LRRC7: variants seen among roughly 807,000 people sequenced by gnomAD.
The protein encoded by LRRC7 is leucine rich repeat containing 7.
A neutral mutation model predicts 175.7 loss-of-function variants in LRRC7; 23 were observed. That is an observed-to-expected ratio of 0.13 (90% CI 0.09 to 0.19). The LOEUF is 0.19. LRRC7 is among the 10% of genes least tolerant of loss of function. LRRC7 has a pLI of 1.00. For synonymous variants in LRRC7, 685 were observed against 680.9 expected (o/e 1.01, Z -0.09); for missense variants, 1,354 against 1,904.7 (o/e 0.71, Z 5.38).
chr1:70,066,384 G>A (rs1661973624), intron 23 of LRRC7, among the ~76,000 whole-genome samples: 1 of 151,930 alleles, frequency 6.6e-6, no homozygotes, highest in East Asian at 1.9e-4. Context: ...TATCTGTACT[G>A]CATGTATAAT....
At chr1:69,676,606 A>C (rs918079555) in intron 1 of LRRC7, among the ~76,000 whole-genome samples, 14 of 152,102 alleles carry the variant, frequency 9.2e-5, no homozygotes, top group African/African-American at 3.4e-4. Flanking sequence ...TGTTTGATTA[A>C]TTTATTATTT....
In LRRC7 at chr1:69,938,683, A is replaced by G. The variant is rs115846739; in HGVS notation, c.711+7113A>G. 7.9e-3 allele frequency among the ~76,000 whole-genome samples: 1,200 copies of G among 152,048 alleles called. 13 individuals carry two copies. The highest frequency in any genetic ancestry group is 0.027 in the African/African-American group (1,111 of 41,512). On this transcript the variant is annotated intron_variant, in intron 8 of 26. Transcript: ENST00000651989. ...CATTTTACTAAAAGCATGGCAGCCA[A>G]TAGTCTCACCTCCCTAGTTCACCAA...
rs185094389 is a variant in LRRC7, at chr1:69,872,678, C to T, written c.647+34395C>T. The stretch of plus-strand genomic sequence containing the variant: ...TCAAGATCCAAATTACACATATTTT[C>T]ATTAAAACATGGAGATGCCTGGCAA... On this transcript the variant is annotated intron_variant, in intron 7 of 26. Transcript: ENST00000651989. Among the ~76,000 whole-genome samples, 490 of 152,082 alleles carry T rather than the reference C, an allele frequency of 3.2e-3. 2 individuals carry two copies. The highest frequency in any genetic ancestry group is 5.3e-3 in the Non-Finnish European group (360 of 67,944).
At chr1:70,012,941 A>AT (rs751003588) in intron 12 of LRRC7, 33 bp from the exon 13 acceptor site, 30 of 1,202,596 alleles carry the variant, frequency 2.5e-5, no homozygotes, top group Middle Eastern at 4.2e-4. Context: ...TTGTGGTCTG[A>AT]TTTTTTTACC....
intron 26 of LRRC7, among the ~76,000 whole-genome samples, chr1:70,118,047 C>T (rs142579016): frequency 1.4e-5 from 2 of 146,854 alleles, no homozygotes; most frequent in African/African-American, 5.0e-5. Flanking sequence ...TTTATTTCCT[C>T]AGCCTCTTCT....
At chr1:69,818,127 G>C (rs1271890804) in intron 4 of LRRC7, among the ~76,000 whole-genome samples, 1 of 151,910 alleles carries the variant, frequency 6.6e-6, no homozygotes, top group East Asian at 1.9e-4. Flanking sequence ...CTAACCCTCT[G>C]GTTAAAACTT....
chr1:70,038,042 T>G, intron 20 of LRRC7, 71 bp from the exon 21 acceptor site: 1 of 1,519,336 alleles, frequency 6.6e-7, no homozygotes, highest in Non-Finnish European at 8.8e-7. Context: ...CCCTCTTTGC[T>G]GCTTGTTCTC....
chr1:69,579,823 A>G (rs1473207714), intron 1 of LRRC7, among the ~76,000 whole-genome samples: 1 of 130,466 alleles, frequency 7.7e-6, no homozygotes, highest in Non-Finnish European at 1.6e-5. Context: ...TGGTAGAGCC[A>G]GCATCTTCCC....
chr1:69,883,499 A>G (rs1686852535), intron 7 of LRRC7, among the ~76,000 whole-genome samples: 1 of 101,446 alleles, frequency 9.9e-6, no homozygotes, highest in Non-Finnish European at 2.1e-5. Flanking sequence ...AGTTCATTGT[A>G]GATTCTGGAT....
At position 69,820,247 on chromosome 1, in the gene LRRC7, A is replaced by G. The variant is rs913920173; in HGVS notation, c.422-5501A>G. Among the ~76,000 whole-genome samples the G allele has an allele frequency of 3.9e-5, 6 of 152,110 alleles. No homozygotes were observed. In the East Asian group the frequency reaches 5.8e-4, roughly 15 times the overall value. ...GCTACATTATAACATAGGCTATGTT[A>G]TAACATCTTATAGTTATAACACTAT... On this transcript the variant is annotated intron_variant, in intron 4 of 26. Coordinates refer to ENST00000651989, the MANE Select transcript of LRRC7 (RefSeq NM_001370785.2).
At chr1:69,992,006 G>A (rs567969971) in intron 10 of LRRC7, among the ~76,000 whole-genome samples, 8 of 152,072 alleles carry the variant, frequency 5.3e-5, no homozygotes, top group Non-Finnish European at 7.4e-5. Flanking sequence ...CTCACTTAAA[G>A]GTTAAGGGCA....
chr1:69,647,042 G>C (rs1454985843), intron 1 of LRRC7, among the ~76,000 whole-genome samples: 1 of 152,090 alleles, frequency 6.6e-6, no homozygotes, highest in Non-Finnish European at 1.5e-5. Context: ...GTAGGAAACA[G>C]AATCCTAGAA....
chr1:69,781,932 G>GAAAAA (rs755834892), intron 3 of LRRC7, among the ~76,000 whole-genome samples: 1 of 144,730 alleles, frequency 6.9e-6, no homozygotes, highest in Non-Finnish European at 1.5e-5. Flanking sequence ...AAGAAAGAAA[G>GAAAAA]AAAGAAAGAG....
At chr1:69,991,998 C>T (rs1318173751) in intron 10 of LRRC7, among the ~76,000 whole-genome samples, 1 of 152,074 alleles carries the variant, frequency 6.6e-6, no homozygotes, top group African/African-American at 2.4e-5. Flanking sequence ...TTATCTTACT[C>T]ACTTAAAGGT....
At chr1:69,906,511 C>T (rs941879713) in intron 7 of LRRC7, among the ~76,000 whole-genome samples, 23 of 152,112 alleles carry the variant, frequency 1.5e-4, no homozygotes, top group Non-Finnish European at 2.1e-4. Context: ...ATTTATTAAA[C>T]AGGGAATCCT....
chr1:69,630,763 T>G (rs1177346075), intron 1 of LRRC7, among the ~76,000 whole-genome samples: 1 of 152,034 alleles, frequency 6.6e-6, no homozygotes, highest in Non-Finnish European at 1.5e-5. Context: ...ATAATTTTTT[T>G]CTTTTTTAAT....
At chr1:69,955,720 A>C (rs965552556) in intron 8 of LRRC7, among the ~76,000 whole-genome samples, 2 of 152,022 alleles carry the variant, frequency 1.3e-5, no homozygotes, top group Non-Finnish European at 2.9e-5. Flanking sequence ...ATAAACGAAA[A>C]ATTTGTGTGA....
chr1:69,963,484 A>G lies in LRRC7; in HGVS notation c.712-16895A>G, dbSNP rs1220745797. On this transcript the variant is annotated intron_variant, in intron 8 of 26. Transcript: ENST00000651989. Reference sequence around the variant, plus strand: ...AAGGGTCAAATAAGAGACTTTTTGTATGATATGGCAAAGGCCTAGTGGGGG... The same window carrying G: ...AAGGGTCAAATAAGAGACTTTTTGTGTGATATGGCAAAGGCCTAGTGGGGG... Among the ~76,000 whole-genome samples the G allele has an allele frequency of 2.6e-5, 4 of 152,280 alleles. No homozygotes were observed. In the East Asian group the frequency reaches 5.8e-4, roughly 22 times the overall value.
chr1:69,756,212 A>G (rs1348991465), intron 2 of LRRC7, among the ~76,000 whole-genome samples: 1 of 151,992 alleles, frequency 6.6e-6, no homozygotes. Context: ...TGAAAATCTC[A>G]CAGAAAATAG....
Sources: gnomAD v4.1 joint callset for allele counts (sites outside exome capture counted in the v4.1 genomes callset) on GRCh38, gnomAD v4.1.1 for gene constraint, MANE v1.5 for transcripts, NCBI Gene and HGNC (gene_info 2026-07-23, HGNC 2026-07-21) for gene names.